Variants in PPFIA2 observed in about 807,000 individuals in gnomAD.
PPFIA2 encodes the protein liprin-alpha-2.
In PPFIA2, 46 loss-of-function variants were observed where a neutral mutation model predicts 175.5. The observed-to-expected ratio is 0.26, with a 90% CI of 0.21 to 0.34. The LOEUF is 0.34. Among genes scored for constraint, PPFIA2 ranks in the 10% least tolerant of loss-of-function variants. The pLI, the probability that PPFIA2 is intolerant of heterozygous loss-of-function variation, is 1.00. For missense variants in PPFIA2, 1,179 were observed against 1,506.1 expected (o/e 0.78, Z 3.60); for synonymous variants, 568 against 511.4 (o/e 1.11, Z -1.49).
chr12:81,695,569 CT>C (rs548095807), intron 3 of PPFIA2, among the ~76,000 whole-genome samples: 7 of 152,206 alleles, frequency 4.6e-5, no homozygotes, highest in African/African-American at 1.7e-4. Context: ...GCCAATTAAA[CT>C]TTTTTTCTTT....
intron 17 of PPFIA2, among the ~76,000 whole-genome samples, chr12:81,348,062 A>T (rs941065855): frequency 3.3e-5 from 5 of 152,156 alleles, no homozygotes; most frequent in Admixed American, 3.3e-4. Context: ...ACTATTTAAA[A>T]ATCTTGAACC....
chr12:81,630,618 A>C (rs1476266662), intron 4 of PPFIA2, among the ~76,000 whole-genome samples: 1 of 151,954 alleles, frequency 6.6e-6, no homozygotes, highest in Admixed American at 6.6e-5. Flanking sequence ...TGTCCTGATG[A>C]CTCTGATAAA....
chr12:81,388,222 A>T (rs979498753), intron 8 of PPFIA2, among the ~76,000 whole-genome samples: 1 of 152,192 alleles, frequency 6.6e-6, no homozygotes, highest in Non-Finnish European at 1.5e-5. Flanking sequence ...AATCATGCTA[A>T]ATAATTAAAT....
chr12:81,585,015 TATATAATATATTAATTATATTTATATATA>T (rs1438706327), intron 4 of PPFIA2, among the ~76,000 whole-genome samples: 4 of 83,994 alleles, frequency 4.8e-5, no homozygotes, highest in African/African-American at 8.9e-5. Context: ...ATTATATTTA[TATATAATATATTAATTATATTTATATATA>T]ATATATTATA....
chr12:81,721,297 T>C (rs572048772), intron 3 of PPFIA2, among the ~76,000 whole-genome samples: 5 of 151,472 alleles, frequency 3.3e-5, no homozygotes, highest in East Asian at 1.9e-4. Flanking sequence ...TCTAGGACTA[T>C]ATATTTTGCT....
chr12:81,558,741 G>T (rs1407673482), intron 4 of PPFIA2, among the ~76,000 whole-genome samples: 1 of 152,110 alleles, frequency 6.6e-6, no homozygotes, highest in African/African-American at 2.4e-5. Flanking sequence ...TGGCAGGTGT[G>T]GGCAGAGCTG....
At chr12:81,604,182 A>G (rs2060063974) in intron 4 of PPFIA2, among the ~76,000 whole-genome samples, 1 of 151,746 alleles carries the variant, frequency 6.6e-6, no homozygotes, top group African/African-American at 2.4e-5. Flanking sequence ...CCAGTGGGTG[A>G]CCATGGCAAA....
chr12:81,571,724 C>A (rs1246977658), intron 4 of PPFIA2, among the ~76,000 whole-genome samples: 1 of 152,052 alleles, frequency 6.6e-6, no homozygotes, highest in Non-Finnish European at 1.5e-5. Flanking sequence ...TAATTATATC[C>A]ATTTAATAAT....
At chr12:81,528,632 A>G (rs942638726) in intron 4 of PPFIA2, among the ~76,000 whole-genome samples, 1 of 152,100 alleles carries the variant, frequency 6.6e-6, no homozygotes, top group African/African-American at 2.4e-5. Context: ...TTATAAATAT[A>G]TTTACTAATA....
At chr12:81,711,131 G>T (rs899753540) in intron 3 of PPFIA2, among the ~76,000 whole-genome samples, 1 of 151,204 alleles carries the variant, frequency 6.6e-6, no homozygotes, top group Non-Finnish European at 1.5e-5. Flanking sequence ...GGGAGGCTGA[G>T]GTGGGAGGAT....
chr12:81,354,118 T>C (rs2060486552), intron 16 of PPFIA2, among the ~76,000 whole-genome samples: 1 of 152,218 alleles, frequency 6.6e-6, no homozygotes, highest in African/African-American at 2.4e-5. Flanking sequence ...TTGATGCTGA[T>C]GGCTGCTGAC....
At chr12:81,298,235 G>C (rs1316663606) in intron 23 of PPFIA2, 1 of 152,178 alleles carries the variant, frequency 6.6e-6, no homozygotes, top group Non-Finnish European at 1.5e-5. Context: ...ACGGTTGAAA[G>C]AAGCAGCTGA....
chr12:81,283,823 G>C (rs1228279818), intron 25 of PPFIA2, among the ~76,000 whole-genome samples: 1 of 151,864 alleles, frequency 6.6e-6, no homozygotes, highest in Non-Finnish European at 1.5e-5. Flanking sequence ...GGTCAAGCTT[G>C]TATCTAAGAT....
At chr12:81,602,134 A>G (rs2059859874) in intron 4 of PPFIA2, among the ~76,000 whole-genome samples, 1 of 151,868 alleles carries the variant, frequency 6.6e-6, no homozygotes, top group African/African-American at 2.4e-5. Context: ...ATTTTAAATG[A>G]CTATATGGTT....
At chr12:81,597,393 T>C (rs1448625510) in intron 4 of PPFIA2, among the ~76,000 whole-genome samples, 1 of 152,100 alleles carries the variant, frequency 6.6e-6, no homozygotes, top group Non-Finnish European at 1.5e-5. Context: ...TCCATCTTAA[T>C]GAGTTTCTAC....
At chr12:81,710,153 T>C (rs1395665720) in intron 3 of PPFIA2, among the ~76,000 whole-genome samples, 1 of 152,000 alleles carries the variant, frequency 6.6e-6, no homozygotes, top group Non-Finnish European at 1.5e-5. Flanking sequence ...ATAAATACTT[T>C]TCCAATATTT....
chr12:81,521,443 C>T (rs1416042912), intron 4 of PPFIA2, among the ~76,000 whole-genome samples: 1 of 152,094 alleles, frequency 6.6e-6, no homozygotes, highest in African/African-American at 2.4e-5. Flanking sequence ...GTGGTAAGTA[C>T]AGTGTACATA....
intron 3 of PPFIA2, among the ~76,000 whole-genome samples, chr12:81,751,265 T>C (rs1208150964): frequency 6.6e-6 from 1 of 152,138 alleles, no homozygotes. Context: ...AGAATGGAAC[T>C]ATAGCCATCT....
intron 30 of PPFIA2, among the ~76,000 whole-genome samples, chr12:81,266,122 T>C (rs2037187951): frequency 6.6e-6 from 1 of 152,198 alleles, no homozygotes; most frequent in African/African-American, 2.4e-5. Context: ...TATAGAATGA[T>C]TGGTCCATAT....
Sources: allele counts gnomAD v4.1 joint callset (sites outside exome capture counted in the v4.1 genomes callset), GRCh38; gene constraint gnomAD v4.1.1; transcripts MANE v1.5; gene names NCBI Gene and HGNC (gene_info 2026-07-23, HGNC 2026-07-21).